Variants in BRK1 observed in about 807,000 individuals in gnomAD.
The protein encoded by BRK1 is BRICK1 subunit of SCAR/WAVE actin nucleating complex.
In BRK1, 6 loss-of-function variants were observed where a neutral mutation model predicts 9.9. That is an observed-to-expected ratio of 0.60 (90% CI 0.33 to 1.19). The LOEUF is 1.19. Among genes scored for constraint, BRK1 ranks in the 50% most tolerant of loss-of-function variants. The pLI, the probability that BRK1 is intolerant of heterozygous loss-of-function variation, is 0.04. For synonymous variants in BRK1, 44 were observed against 31.9 expected, an observed-to-expected ratio of 1.38 and a Z score of -1.28; for missense variants, 62 against 97.5, an observed-to-expected ratio of 0.64 and a Z score of 1.53.
chr3:10,124,469 A>C (rs1490091484), intron 1 of BRK1, among the ~76,000 whole-genome samples: 7 of 151,898 alleles, frequency 4.6e-5, no homozygotes, highest in African/African-American at 1.5e-4. Context: ...AAAAAAAAAA[A>C]CCAAAAAAAC....
In BRK1 at chr3:10,123,628, G is replaced by T. The variant is rs1695793070; in HGVS notation, c.119-1998G>T. ...TTTTTGTATTTTTAATAGAGACGGG[G>T]TTTCATTGTGTTAGCCAGGATGGTC... On this transcript the variant is annotated intron_variant, in intron 1 of 2. Transcript: ENST00000530758. Among the ~76,000 whole-genome samples the T allele has an allele frequency of 4.7e-5, 6 of 128,432 alleles. No homozygotes were observed. In the South Asian group the frequency reaches 1.5e-3, roughly 32 times the overall value. 84.3% of individuals were successfully genotyped at this position (128,432 alleles called of 152,430 possible). A position where few individuals can be genotyped will look rare whatever the true frequency, so the allele number is the denominator to read the frequency against.
rs546380917 is a variant in BRK1, at chr3:10,118,815, A to G, written c.118+2996A>G. On this transcript the variant is annotated intron_variant, in intron 1 of 2. Transcript: ENST00000530758. ...AAGTGGATTTATTGCGATAAAAGTT[A>G]TACAGTATGCCTACCTCTCCTGCCT... 4.6e-5 allele frequency among the ~76,000 whole-genome samples: 7 copies of G among 152,108 alleles called. No homozygotes were observed. In the South Asian group the frequency reaches 8.3e-4, roughly 18 times the overall value.
chr3:10,125,414 G>A lies in BRK1; in HGVS notation c.119-212G>A, dbSNP rs550469309. 7.9e-5 allele frequency among the ~76,000 whole-genome samples: 12 copies of A among 152,222 alleles called. No individual in the cohort carries two copies. In the East Asian group the frequency reaches 2.1e-3, roughly 27 times the overall value. On this transcript the variant is annotated intron_variant, in intron 1 of 2. Coordinates refer to ENST00000530758, the MANE Select transcript of BRK1 (RefSeq NM_018462.5). Reference sequence around the variant, plus strand: ...GCCACCGTGCCCTGCAGGAAAGGACGTTTTTGTGGGGCCGTTATTCTCTAC... The same window carrying A: ...GCCACCGTGCCCTGCAGGAAAGGACATTTTTGTGGGGCCGTTATTCTCTAC...
At chr3:10,122,796 G>C (rs531745157) in intron 1 of BRK1, among the ~76,000 whole-genome samples, 1 of 152,290 alleles carries the variant, frequency 6.6e-6, no homozygotes, top group South Asian at 2.1e-4. Flanking sequence ...CATCTGGCAA[G>C]ACCTCTCAGA....
At position 10,125,718 on chromosome 3, in the gene BRK1, A is replaced by G; in HGVS notation, c.201+10A>G. ...GTACATTGAAGCTCGGGTGAGTTTGATGGGCAAGGGCATTCCAGAGAGAAT... is the reference window on the plus strand; with the variant it reads ...GTACATTGAAGCTCGGGTGAGTTTGGTGGGCAAGGGCATTCCAGAGAGAAT... On this transcript the variant is annotated intron_variant, in intron 2 of 2. Transcript: ENST00000530758. 6.3e-7 allele frequency: 1 copy of G among 1,593,962 alleles called. No homozygotes were observed. Among genetic ancestry groups the G allele is most frequent in the South Asian group, 1.1e-5 (1 of 89,730 alleles).
intron 1 of BRK1, among the ~76,000 whole-genome samples, chr3:10,118,437 G>A (rs906746219): frequency 6.6e-6 from 1 of 151,980 alleles, no homozygotes; most frequent in African/African-American, 2.4e-5. Context: ...TAGTAGGCTT[G>A]TACAATTGTC....
intron 1 of BRK1, among the ~76,000 whole-genome samples, chr3:10,121,045 A>AG (rs1695749526): frequency 6.6e-6 from 1 of 152,240 alleles, no homozygotes; most frequent in African/African-American, 2.4e-5. Context: ...ATCCAGGAAA[A>AG]GGGGGATGCT....
At chr3:10,119,888 C>G (rs1695734140) in intron 1 of BRK1, among the ~76,000 whole-genome samples, 1 of 151,918 alleles carries the variant, frequency 6.6e-6, no homozygotes, top group Admixed American at 6.6e-5. Context: ...ACTGAGCCAA[C>G]AAATGTAGCA....
At chr3:10,119,939 T>C (rs764892082) in intron 1 of BRK1, among the ~76,000 whole-genome samples, 13 of 152,120 alleles carry the variant, frequency 8.5e-5, no homozygotes, top group Non-Finnish European at 1.6e-4. Context: ...GGAATAAATA[T>C]GAATAAATGG....
In BRK1 at chr3:10,123,635, T is replaced by C. The variant is rs181330820; in HGVS notation, c.119-1991T>C. Among the ~76,000 whole-genome samples the C allele has an allele frequency of 1, 138,434 of 138,530 alleles. 69,169 individuals carry two copies. The highest frequency in any genetic ancestry group is 1 in the Middle Eastern group (284 of 284). The allele number at this position is 138,530 out of a possible 152,430, so 90.9% of individuals were successfully genotyped here. A position where few individuals can be genotyped will look rare whatever the true frequency, so the allele number is the denominator to read the frequency against. ...ATTTTTAATAGAGACGGGGTTTCAT[T>C]GTGTTAGCCAGGATGGTCTCCATCT... On this transcript the variant is annotated intron_variant, in intron 1 of 2. Transcript: ENST00000530758.
chr3:10,125,810 G>T (rs1264639905), intron 2 of BRK1, 102 bp downstream of exon 2: 2 of 831,828 alleles, frequency 2.4e-6, no homozygotes, highest in South Asian at 1.7e-5. Flanking sequence ...TTAAGCACTG[G>T]CCGGACATGG....
rs192079177 is a variant in BRK1, at chr3:10,117,878, A to T, written c.118+2059A>T. On this transcript the variant is annotated intron_variant, in intron 1 of 2. Transcript: ENST00000530758. ...GAAAGTGAATTTAGAGAAAATAACAATTAAATACAACTAAGTAAGAAGAGA... is the reference window on the plus strand; with the variant it reads ...GAAAGTGAATTTAGAGAAAATAACATTTAAATACAACTAAGTAAGAAGAGA... 2.6e-5 allele frequency among the ~76,000 whole-genome samples: 4 copies of T among 152,336 alleles called. No homozygotes were observed. The East Asian group carries it at 7.7e-4, about 29-fold the overall frequency.
intron 1 of BRK1, among the ~76,000 whole-genome samples, chr3:10,124,583 G>A (rs901325277): frequency 3.3e-5 from 5 of 152,020 alleles, no homozygotes; most frequent in Non-Finnish European, 5.9e-5. Flanking sequence ...TTCACACCTT[G>A]GCCAGCAGTC....
At chr3:10,122,582 A>G (rs1695773015) in intron 1 of BRK1, among the ~76,000 whole-genome samples, 2 of 152,084 alleles carry the variant, frequency 1.3e-5, no homozygotes, top group African/African-American at 2.4e-5. Context: ...GCACAGTGGC[A>G]TCCACCTACT....
In BRK1 at chr3:10,118,645, G is replaced by A. The variant is rs578119005; in HGVS notation, c.118+2826G>A. ...TGGGACTACAGGTGTGTGCCACCATGCCCGGCTAATATTTGTATTTTTAGT... is the reference window on the plus strand; with the variant it reads ...TGGGACTACAGGTGTGTGCCACCATACCCGGCTAATATTTGTATTTTTAGT... On this transcript the variant is annotated intron_variant, in intron 1 of 2. Transcript: ENST00000530758. Among the ~76,000 whole-genome samples, 5 of 152,136 alleles carry A rather than the reference G, an allele frequency of 3.3e-5. 1 individual carries two copies. Among genetic ancestry groups the A allele is most frequent in the Admixed American group, 2.0e-4 (3 of 15,266 alleles).
chr3:10,124,048 G>C (rs1345662928), intron 1 of BRK1, among the ~76,000 whole-genome samples: 1 of 151,886 alleles, frequency 6.6e-6, no homozygotes, highest in African/African-American at 2.4e-5. Context: ...TTTCTTTCCT[G>C]TTGAGATTAT....
chr3:10,118,239 G>A (rs1451486582), intron 1 of BRK1, among the ~76,000 whole-genome samples: 5 of 135,680 alleles, frequency 3.7e-5, no homozygotes, highest in African/African-American at 8.8e-5. Context: ...GGCAAAAGAC[G>A]AGACTCTGTC....
In BRK1 at chr3:10,123,732, C is replaced by CTTTTTTTTT. The variant is rs71626962; in HGVS notation, c.119-1881_119-1873dup. Among the ~76,000 whole-genome samples, 12 of 48,692 alleles carry CTTTTTTTTT rather than the reference C, an allele frequency of 2.5e-4. 1 individual carries two copies. Among genetic ancestry groups the CTTTTTTTTT allele is most frequent in the African/African-American group, 1.5e-3 (10 of 6,698 alleles). 31.9% of individuals were successfully genotyped at this position (48,692 alleles called of 152,430 possible). A position where few individuals can be genotyped will look rare whatever the true frequency, so the allele number is the denominator to read the frequency against. ...ACAGGCCTGAGCCACCGTGCCTGGC[C>CTTTTTTTTT]TTTTTTTTTTTTTTTTTTTTTGAGA... On this transcript the variant is annotated intron_variant, in intron 1 of 2. Transcript: ENST00000530758.
intron 1 of BRK1, among the ~76,000 whole-genome samples, chr3:10,120,182 A>G (rs1267915442): frequency 2.0e-5 from 3 of 149,516 alleles, no homozygotes; most frequent in African/African-American, 7.4e-5. Context: ...GGCATGCGCC[A>G]CCACGCCTGG....
Sources: gnomAD v4.1 joint callset for allele counts (sites outside exome capture counted in the v4.1 genomes callset) on GRCh38, gnomAD v4.1.1 for gene constraint, MANE v1.5 for transcripts, NCBI Gene and HGNC (gene_info 2026-07-23, HGNC 2026-07-21) for gene names.